Variants in SSBP2 observed in about 807,000 individuals in gnomAD.
The protein encoded by SSBP2 is single-stranded DNA-binding protein 2.
In SSBP2, 17 loss-of-function variants were observed where a neutral mutation model predicts 61.8. The observed-to-expected ratio is 0.28, with a 90% CI of 0.19 to 0.41. The LOEUF (loss-of-function observed/expected upper bound fraction) is 0.41, where lower values mean the gene tolerates loss of function less well. Among genes scored for constraint, SSBP2 ranks in the 10% least tolerant of loss-of-function variants. The probability of loss-of-function intolerance (pLI) is 1.00; values close to 1 mark genes in which losing one functional copy is unlikely to be tolerated. For missense variants in SSBP2, 310 were observed against 458.7 expected (o/e 0.68, Z 2.96); for synonymous variants, 139 against 141.3 (o/e 0.98, Z 0.12).
chr5:81,725,182 G>A (rs1429862431), intron 1 of SSBP2, among the ~76,000 whole-genome samples: 2 of 152,240 alleles, frequency 1.3e-5, no homozygotes, highest in East Asian at 1.9e-4. Context: ...AGTGAGCCAC[G>A]TGAATAAGGG....
rs1488255167 is a variant in SSBP2 at position 81,622,033 on chromosome 5, G to C, written c.198-6476C>G. Among the ~76,000 whole-genome samples, 10 of 144,636 alleles carry C rather than the reference G, an allele frequency of 6.9e-5. No individual in the cohort carries two copies. In the East Asian group the frequency reaches 1.0e-3, roughly 14 times the overall value. The allele number at this position is 144,636 out of a possible 152,430, so 94.9% of individuals were successfully genotyped here. A position where few individuals can be genotyped will look rare whatever the true frequency, so the allele number is the denominator to read the frequency against. On this transcript the variant is annotated intron_variant, in intron 3 of 16. Transcript: ENST00000320672. ...ATGACGAGTTAGTGGGTGCAGCGCAGCAGCATGGCACATGTATACATATGT... is the reference window on the plus strand; with the variant it reads ...ATGACGAGTTAGTGGGTGCAGCGCACCAGCATGGCACATGTATACATATGT...
At chr5:81,525,432 C>T (rs1580918506) in intron 4 of SSBP2, among the ~76,000 whole-genome samples, 1 of 151,884 alleles carries the variant, frequency 6.6e-6, no homozygotes, top group East Asian at 1.9e-4. Flanking sequence ...GAACATGTGG[C>T]ATTTGATTTT....
chr5:81,698,789 C>T (rs552671057), intron 1 of SSBP2, among the ~76,000 whole-genome samples: 1 of 152,292 alleles, frequency 6.6e-6, no homozygotes, highest in African/African-American at 2.4e-5. Flanking sequence ...GCCTAGGTGA[C>T]AGAGCAGGAC....
chr5:81,508,734 G>T (rs1244051584), intron 5 of SSBP2, among the ~76,000 whole-genome samples: 1 of 152,140 alleles, frequency 6.6e-6, no homozygotes, highest in Non-Finnish European at 1.5e-5. Context: ...TCATGGAAGA[G>T]GGAGCTTGTT....
intron 5 of SSBP2, among the ~76,000 whole-genome samples, chr5:81,509,692 T>A (rs1768448238): frequency 6.6e-6 from 1 of 152,186 alleles, no homozygotes; most frequent in Non-Finnish European, 1.5e-5. Flanking sequence ...GTACTTGGGA[T>A]TAGTTGAAAT....
intron 1 of SSBP2, among the ~76,000 whole-genome samples, chr5:81,722,855 A>G (rs1755628127): frequency 6.6e-6 from 1 of 151,976 alleles, no homozygotes; most frequent in Non-Finnish European, 1.5e-5. Flanking sequence ...CTTCTGGTGT[A>G]CATGCATAAT....
At chr5:81,747,863 A>G (rs1407634454) in intron 1 of SSBP2, among the ~76,000 whole-genome samples, 1 of 152,142 alleles carries the variant, frequency 6.6e-6, no homozygotes, top group African/African-American at 2.4e-5. Flanking sequence ...AAATGACCTA[A>G]CAAGATCAGA....
intron 10 of SSBP2, among the ~76,000 whole-genome samples, chr5:81,453,001 A>G (rs956381751): frequency 6.6e-6 from 1 of 151,904 alleles, no homozygotes; most frequent in Non-Finnish European, 1.5e-5. Context: ...TTGCCAATTA[A>G]GAATGGGTGG....
At chr5:81,555,502 A>G (rs1162503737) in intron 4 of SSBP2, among the ~76,000 whole-genome samples, 2 of 152,044 alleles carry the variant, frequency 1.3e-5, no homozygotes, top group Non-Finnish European at 2.9e-5. Flanking sequence ...TGGCAACTTG[A>G]GCATTTTCCT....
chr5:81,452,082 T>C (rs893834225), intron 10 of SSBP2, among the ~76,000 whole-genome samples: 1 of 152,026 alleles, frequency 6.6e-6, no homozygotes, highest in Non-Finnish European at 1.5e-5. Flanking sequence ...AGAACTGCTA[T>C]AAAAAACAAA....
chr5:81,437,900 T>C (rs1304056824), intron 14 of SSBP2: 1 of 152,180 alleles, frequency 6.6e-6, no homozygotes, highest in Non-Finnish European at 1.5e-5. Flanking sequence ...TAAACCATAA[T>C]TTACTATAAT....
intron 4 of SSBP2, among the ~76,000 whole-genome samples, chr5:81,536,175 C>A (rs546880643): frequency 6.6e-6 from 1 of 151,978 alleles, no homozygotes; most frequent in Non-Finnish European, 1.5e-5. Flanking sequence ...CAAATTAAAA[C>A]GAGATTCCAT....
intron 1 of SSBP2, among the ~76,000 whole-genome samples, chr5:81,742,866 C>T (rs1457186103): frequency 1.3e-5 from 2 of 151,764 alleles, no homozygotes; most frequent in East Asian, 1.9e-4. Context: ...GGCAAAAGAG[C>T]AAAACTCCAT....
chr5:81,478,760 C>G (rs1325241489), intron 6 of SSBP2, among the ~76,000 whole-genome samples: 1 of 152,202 alleles, frequency 6.6e-6, no homozygotes, highest in Non-Finnish European at 1.5e-5. Context: ...TGTAAACCAC[C>G]ATGCCTGGCC....
chr5:81,747,185 A>G (rs1757412173), intron 1 of SSBP2, among the ~76,000 whole-genome samples: 1 of 152,192 alleles, frequency 6.6e-6, no homozygotes, highest in South Asian at 2.1e-4. Flanking sequence ...AAAGTCTGTC[A>G]CATCTGATTA....
intron 1 of SSBP2, among the ~76,000 whole-genome samples, chr5:81,734,257 A>C (rs139534605): frequency 3.3e-5 from 5 of 152,320 alleles, no homozygotes; most frequent in African/African-American, 1.2e-4. Context: ...AAAACCTTCC[A>C]TACTAAGAAA....
intron 3 of SSBP2, among the ~76,000 whole-genome samples, chr5:81,628,285 G>A (rs1747375494): frequency 1.3e-5 from 2 of 152,148 alleles, no homozygotes; most frequent in Non-Finnish European, 2.9e-5. Flanking sequence ...CAGATTGTGT[G>A]AGAACTTACT....
intron 5 of SSBP2, among the ~76,000 whole-genome samples, chr5:81,500,095 G>A (rs1767586734): frequency 6.6e-6 from 1 of 152,128 alleles, no homozygotes; most frequent in African/African-American, 2.4e-5. Flanking sequence ...CTTTAGGAAT[G>A]AAAAAATACT....
chr5:81,681,152 C>G (rs1410124232), intron 1 of SSBP2, among the ~76,000 whole-genome samples: 1 of 152,074 alleles, frequency 6.6e-6, no homozygotes, highest in Non-Finnish European at 1.5e-5. Context: ...GGAGGTTAAA[C>G]AATGCACTTC....
Sources: allele counts gnomAD v4.1 joint callset (sites outside exome capture counted in the v4.1 genomes callset), GRCh38; gene constraint gnomAD v4.1.1; transcripts MANE v1.5; gene names NCBI Gene and HGNC (gene_info 2026-07-23, HGNC 2026-07-21).